PARD3: variants seen among roughly 807,000 people sequenced by gnomAD.
PARD3 encodes par-3 family cell polarity regulator.
A neutral mutation model predicts 155.4 loss-of-function variants in PARD3; 75 were observed. The ratio of observed to expected loss-of-function variants is 0.48; its 90% confidence interval spans 0.40 to 0.58. PARD3 has a LOEUF of 0.58. Ranked by LOEUF, PARD3 falls within the 20% of genes least tolerant of loss-of-function variation. PARD3 has a pLI of 0.00. For synonymous variants in PARD3, 576 were observed against 610.5 expected, an observed-to-expected ratio of 0.94 and a Z score of 0.83; for missense variants, 1,642 against 1,721.7, an observed-to-expected ratio of 0.95 and a Z score of 0.82.
intron 22 of PARD3, among the ~76,000 whole-genome samples, chr10:34,134,718 C>T (rs1564421021): frequency 6.6e-6 from 1 of 152,182 alleles, no homozygotes; most frequent in Admixed American, 6.5e-5. Flanking sequence ...CACTTAATGG[C>T]TGAAGTTGGA....
chr10:34,690,774 C>T (rs992758141), intron 2 of PARD3, among the ~76,000 whole-genome samples: 9 of 152,152 alleles, frequency 5.9e-5, no homozygotes, highest in Admixed American at 1.3e-4. Context: ...AAAAAGGAAA[C>T]GTGGTGGAGA....
In PARD3 at chr10:34,495,172, CA is replaced by C. The variant is rs60469043; in HGVS notation, c.403+21806del. 1.1e-4 allele frequency among the ~76,000 whole-genome samples: 16 copies of C among 142,216 alleles called. No homozygotes were observed. In the East Asian group the frequency reaches 2.3e-3, roughly 20 times the overall value. 93.3% of individuals were successfully genotyped at this position (142,216 alleles called of 152,430 possible). A position where few individuals can be genotyped will look rare whatever the true frequency, so the allele number is the denominator to read the frequency against. On this transcript the variant is annotated intron_variant, in intron 3 of 24. Coordinates refer to ENST00000374788, the MANE Select transcript of PARD3 (RefSeq NM_001184785.2). ...TATCTGTACCCATAAACAAAAAAAG[CA>C]AAAAAAAAACAAACAAAAACCCACA...
chr10:34,732,728 A>G (rs1042231266), intron 1 of PARD3, among the ~76,000 whole-genome samples: 2 of 152,234 alleles, frequency 1.3e-5, no homozygotes, highest in Admixed American at 6.5e-5. Flanking sequence ...TAATTGATTA[A>G]TCGGTGATAA....
chr10:34,248,590 T>A lies in PARD3; in HGVS notation c.3419+21067A>T, dbSNP rs918877089. ...TCAGATAACTTGCCCAACATCCAAG[T>A]TAAGTGGCAGAGCCAGGATCTGAAT... On this transcript the variant is annotated intron_variant, in intron 22 of 24. Coordinates refer to ENST00000374788, the MANE Select transcript of PARD3 (RefSeq NM_001184785.2). Among the ~76,000 whole-genome samples, 18 of 17,766 alleles carry A rather than the reference T, an allele frequency of 1.0e-3. No individual in the cohort carries two copies. In the African/African-American group the frequency reaches 0.031, roughly 31 times the overall value. The allele number at this position is 17,766 out of a possible 152,430, so 11.7% of individuals were successfully genotyped here.
At chr10:34,181,703 AC>A (rs1416135506) in intron 22 of PARD3, among the ~76,000 whole-genome samples, 1 of 152,042 alleles carries the variant, frequency 6.6e-6, no homozygotes, top group Middle Eastern at 3.4e-3. Context: ...TCTTTTTGGA[AC>A]CTGCTGACAT....
chr10:34,638,619 C>T (rs2092565422), intron 2 of PARD3, among the ~76,000 whole-genome samples: 1 of 152,226 alleles, frequency 6.6e-6, no homozygotes, highest in African/African-American at 2.4e-5. Context: ...AGGATGCTCA[C>T]TCACAAACTG....
rs145970131 is a variant in PARD3, at chr10:34,187,441, A to G, written c.3420-55858T>C. On this transcript the variant is annotated intron_variant, in intron 22 of 24. Transcript: ENST00000374788. Reference sequence around the variant, plus strand: ...TGGAAGCTCCACTTTGAACAAAGGCAGGCCCATTCCTAGTGGTGATTAATT... The same window carrying G: ...TGGAAGCTCCACTTTGAACAAAGGCGGGCCCATTCCTAGTGGTGATTAATT... Among the ~76,000 whole-genome samples, 5 of 152,368 alleles carry G rather than the reference A, an allele frequency of 3.3e-5. No individual in the cohort carries two copies. In the East Asian group the frequency reaches 9.6e-4, roughly 29 times the overall value.
At chr10:34,711,168 C>T (rs1313336193) in intron 1 of PARD3, among the ~76,000 whole-genome samples, 2 of 150,988 alleles carry the variant, frequency 1.3e-5, no homozygotes, top group Non-Finnish European at 3.0e-5. Context: ...CACACCCAAA[C>T]CCCTAAAAAA....
chr10:34,257,123 C>A (rs1280328891), intron 22 of PARD3, among the ~76,000 whole-genome samples: 7 of 152,106 alleles, frequency 4.6e-5, no homozygotes. Context: ...GTTATTTACA[C>A]CAAGGACTTA....
intron 5 of PARD3, among the ~76,000 whole-genome samples, chr10:34,422,233 G>C (rs1422321283): frequency 6.6e-6 from 1 of 152,120 alleles, no homozygotes; most frequent in Non-Finnish European, 1.5e-5. Flanking sequence ...GTGACCTTTA[G>C]CAAATAATAT....
At chr10:34,197,023 C>T (rs973985089) in intron 22 of PARD3, among the ~76,000 whole-genome samples, 24 of 152,158 alleles carry the variant, frequency 1.6e-4, no homozygotes, top group African/African-American at 5.8e-4. Context: ...GCCAGGGAGG[C>T]ATTATGCTTT....
rs182431549 is a variant in PARD3 at position 34,678,170 on chromosome 10, G to A, written c.222+18148C>T. On this transcript the variant is annotated intron_variant, in intron 2 of 24. Transcript: ENST00000374788. Reference sequence around the variant, plus strand: ...CTCACTGCAGCCTCAACCTCCCCAGGCTCAGGTGATTCTCCCACCTCGGCC... The same window carrying A: ...CTCACTGCAGCCTCAACCTCCCCAGACTCAGGTGATTCTCCCACCTCGGCC... 2.7e-3 allele frequency among the ~76,000 whole-genome samples: 418 copies of A among 152,098 alleles called. 1 individual carries two copies. Among genetic ancestry groups the A allele is most frequent in the African/African-American group, 9.6e-3 (398 of 41,490 alleles).
chr10:34,602,685 A>G lies in PARD3; in HGVS notation c.223-85526T>C, dbSNP rs12415515. 9.6e-3 allele frequency among the ~76,000 whole-genome samples: 1,460 copies of G among 152,358 alleles called. 41 individuals carry two copies. Among genetic ancestry groups the G allele is most frequent in the East Asian group, 0.06 (309 of 5,188 alleles). On this transcript the variant is annotated intron_variant, in intron 2 of 24. Transcript: ENST00000374788. The stretch of plus-strand genomic sequence containing the variant: ...CCAGCAATGAGAGAATGTATAATGT[A>G]CATATGTATAATCTATGGTGTGAAC...
At chr10:34,510,385 T>C (rs754886667) in intron 3 of PARD3, among the ~76,000 whole-genome samples, 6 of 152,204 alleles carry the variant, frequency 3.9e-5, no homozygotes, top group Admixed American at 1.3e-4. Context: ...TCTGAATAAA[T>C]AGCCTTCACC....
chr10:34,657,563 G>C (rs1174291622), intron 2 of PARD3, among the ~76,000 whole-genome samples: 2 of 151,254 alleles, frequency 1.3e-5, no homozygotes, highest in Non-Finnish European at 2.9e-5. Flanking sequence ...TTTTGAGACG[G>C]AGTCTTGTTC....
At chr10:34,567,757 A>C (rs1376167372) in intron 2 of PARD3, among the ~76,000 whole-genome samples, 1 of 152,240 alleles carries the variant, frequency 6.6e-6, no homozygotes. Context: ...AAGATCTGAA[A>C]CCAGCAGCTA....
At chr10:34,345,204 T>A in intron 15 of PARD3, 1 of 984,634 alleles carries the variant, frequency 1.0e-6, no homozygotes, top group African/African-American at 1.7e-5. Context: ...CCTCATCTGT[T>A]AAATGGGAAA....
At chr10:34,151,623 G>A (rs898863289) in intron 22 of PARD3, among the ~76,000 whole-genome samples, 4 of 152,126 alleles carry the variant, frequency 2.6e-5, no homozygotes, top group Non-Finnish European at 5.9e-5. Context: ...ATCTCGCCAA[G>A]TCATAACTGA....
intron 5 of PARD3, 23 bp from the exon 6 acceptor site, chr10:34,401,940 A>G: frequency 6.4e-7 from 1 of 1,553,550 alleles, no homozygotes; most frequent in South Asian, 1.1e-5. Flanking sequence ...AACACAAAGA[A>G]AAGTACACTC....
Sources: gnomAD v4.1 joint callset for allele counts (sites outside exome capture counted in the v4.1 genomes callset) on GRCh38, gnomAD v4.1.1 for gene constraint, MANE v1.5 for transcripts, NCBI Gene and HGNC (gene_info 2026-07-23, HGNC 2026-07-21) for gene names.